Variants in CFAP251 observed in about 807,000 individuals in gnomAD.
The protein encoded by CFAP251 is cilia and flagella associated protein 251.
CFAP251 carries 93 observed loss-of-function variants against 126.7 expected under a neutral mutation model. The observed-to-expected ratio is 0.73, with a 90% CI of 0.62 to 0.87. The LOEUF (loss-of-function observed/expected upper bound fraction) is 0.87, where lower values mean the gene tolerates loss of function less well. CFAP251 is among the 40% of genes least tolerant of loss of function. CFAP251 has a pLI of 0.00. For synonymous variants in CFAP251, 503 were observed against 506.9 expected, an observed-to-expected ratio of 0.99 and a Z score of 0.10; for missense variants, 1,287 against 1,389.2, an observed-to-expected ratio of 0.93 and a Z score of 1.17.
At chr12:121,953,721 T>C (rs1881613345) in intron 9 of CFAP251, 1 of 187,270 alleles carries the variant, frequency 5.3e-6, no homozygotes, top group Non-Finnish European at 1.1e-5. Context: ...GATGGGAAAA[T>C]ACCTTATGAT....
At chr12:121,967,978 G>T in intron 16 of CFAP251, 28 bp from the exon 17 acceptor site, 1 of 1,581,298 alleles carries the variant, frequency 6.3e-7, no homozygotes, top group South Asian at 1.1e-5. Context: ...ACCTGAGTCT[G>T]AATATCCAAT....
In CFAP251 at chr12:121,989,591, G is replaced by A. The variant is rs1176066237; in HGVS notation, c.3007-10125G>A. Among the ~76,000 whole-genome samples the A allele has an allele frequency of 1.3e-5, 2 of 152,322 alleles. No homozygotes were observed. The highest frequency in any genetic ancestry group is 1.9e-4 in the East Asian group (1 of 5,186). On this transcript the variant is annotated intron_variant, in intron 19 of 21. Transcript: ENST00000288912. The surrounding 1 kb of genome is among the most constrained non-coding windows in gnomAD (Gnocchi z 4.2). Reference sequence around the variant, plus strand: ...TCCTCAGCCCACTACTCCCTGCCCCGGGTCAGCGAGGAGATGCAGGGGGTG... The same window carrying A: ...TCCTCAGCCCACTACTCCCTGCCCCAGGTCAGCGAGGAGATGCAGGGGGTG...
At chr12:121,957,788 T>G (rs1026337124) in intron 11 of CFAP251, among the ~76,000 whole-genome samples, 1 of 152,054 alleles carries the variant, frequency 6.6e-6, no homozygotes, top group Non-Finnish European at 1.5e-5. Flanking sequence ...TCCTGATCCC[T>G]GATCTCTCAC....
At chr12:121,940,921 G>A (rs78051106) in intron 5 of CFAP251, among the ~76,000 whole-genome samples, 1,658 of 152,248 alleles carry the variant, frequency 0.011, 21 homozygotes, top group African/African-American at 0.037. Flanking sequence ...TTAGGATGAT[G>A]CGATTGTTTT....
At chr12:121,939,616 C>T (rs1881032447) in intron 5 of CFAP251, among the ~76,000 whole-genome samples, 1 of 150,918 alleles carries the variant, frequency 6.6e-6, no homozygotes, top group Non-Finnish European at 1.5e-5. Flanking sequence ...AAAAATTTCA[C>T]AGTAAAGCAT....
chr12:121,977,726 C>T lies in CFAP251; in HGVS notation c.3006+2041C>T, dbSNP rs185190301. On this transcript the variant is annotated intron_variant, in intron 19 of 21. Transcript: ENST00000288912. ...ATCCCAGCACTTTGGGAGGCCAAGG[C>T]GGGCGGATCACGAGGTCAGAAGATC... is the stretch of plus-strand genomic sequence containing the variant. Among the ~76,000 whole-genome samples the T allele has an allele frequency of 8.2e-4, 123 of 150,408 alleles. 1 individual carries two copies. Among genetic ancestry groups the T allele is most frequent in the African/African-American group, 2.5e-3 (102 of 40,720 alleles).
At position 121,977,853 on chromosome 12, in the gene CFAP251, GGAGGCT is replaced by G. The variant is rs1367442630; in HGVS notation, c.3006+2173_3006+2178del. Among the ~76,000 whole-genome samples, 4 of 151,226 alleles carry G rather than the reference GGAGGCT, an allele frequency of 2.6e-5. 1 individual carries two copies. Among genetic ancestry groups the G allele is most frequent in the African/African-American group, 9.7e-5 (4 of 41,036 alleles). On this transcript the variant is annotated intron_variant, in intron 19 of 21. Transcript: ENST00000288912. ...GGGCGCCTGTAGTCCCAGCTATTCA[GGAGGCT>G]GAGGGAGGAGAATGGCGTGAACCCG...
intron 10 of CFAP251, among the ~76,000 whole-genome samples, chr12:121,955,121 C>A (rs542165015): frequency 6.6e-6 from 1 of 152,086 alleles, no homozygotes; most frequent in African/African-American, 2.4e-5. Context: ...TGGTGAAACC[C>A]TGTCTCTACT....
chr12:121,996,722 G>C (rs560529126), intron 19 of CFAP251, among the ~76,000 whole-genome samples: 1 of 152,084 alleles, frequency 6.6e-6, no homozygotes, highest in African/African-American at 2.4e-5. Flanking sequence ...TCATGGGCTT[G>C]GGCTCTGTAG....
chr12:121,931,689 C>T, intron 3 of CFAP251, 57 bp from the exon 4 acceptor site: 1 of 1,402,338 alleles, frequency 7.1e-7, no homozygotes, highest in Non-Finnish European at 9.3e-7. Flanking sequence ...TTCCTGGAGC[C>T]CCAGCTCTGG....
intron 2 of CFAP251, among the ~76,000 whole-genome samples, 166 bp downstream of exon 2, chr12:121,921,849 A>G (rs376563213): frequency 1.5e-5 from 2 of 136,002 alleles, no homozygotes; most frequent in East Asian, 2.2e-4. Flanking sequence ...GTGCAGGGGC[A>G]CAATCTCAGC....
chr12:121,999,923 C>T lies in CFAP251; in HGVS notation c.3214C>T (p.Leu1072=). ...AAAGGCCATTCGAAGAGAGGACTTC[C>T]TGAGACTGCTCGTTACTAAAGGTAA... ...GKKAIRREDF[L]RLLVTKGEHM... Residue 1072 remains leucine, a synonymous_variant, in exon 20 of 22, where the codon CTG becomes TTG. Transcript: ENST00000288912. 1 of 1,613,624 alleles carries T rather than the reference C, an allele frequency of 6.2e-7. No homozygotes were observed. Among genetic ancestry groups the T allele is most frequent in the Non-Finnish European group, 8.5e-7 (1 of 1,179,544 alleles).
At chr12:121,941,746 CTG>C (rs1169705428) in intron 5 of CFAP251, among the ~76,000 whole-genome samples, 2 of 152,156 alleles carry the variant, frequency 1.3e-5, no homozygotes, top group Non-Finnish European at 2.9e-5. Context: ...ACCATGATGA[CTG>C]TGAATTTTCA....
At chr12:121,986,012 G>T (rs1007792291) in intron 19 of CFAP251, among the ~76,000 whole-genome samples, 17 of 151,980 alleles carry the variant, frequency 1.1e-4, no homozygotes, top group African/African-American at 4.1e-4. Flanking sequence ...TTATTTTTTT[G>T]AGAGAGTCTT....
At chr12:121,992,111 GCTGA>G in intron 19 of CFAP251, 1 of 682,270 alleles carries the variant, frequency 1.5e-6, no homozygotes, top group Non-Finnish European at 1.8e-6. Context: ...CAAAGGCCAG[GCTGA>G]CTGACAACCA....
At chr12:121,992,872 AT>A (rs761678983) in intron 19 of CFAP251, among the ~76,000 whole-genome samples, 89 of 152,170 alleles carry the variant, frequency 5.8e-4, no homozygotes, top group Non-Finnish European at 1.0e-3. Flanking sequence ...ACCCAGCCAA[AT>A]TATAATTTAT....
rs969844943 is a variant in CFAP251, at chr12:121,921,382, C to T, written c.77C>T (p.Pro26Leu). Residue 26 changes from proline (P) to leucine (L), a missense_variant, in exon 2 of 22, where the codon CCT (proline) becomes CTT (leucine). Coordinates refer to ENST00000288912, the MANE Select transcript of CFAP251 (RefSeq NM_144668.6). ...ACAGAAATGAAAGAAGAGGAGGAACCTAATCCAAATTATAAAGAAGTAGAA... is the reference window on the plus strand; with the variant it reads ...ACAGAAATGAAAGAAGAGGAGGAACTTAATCCAAATTATAAAGAAGTAGAA... Reference protein sequence around the residue: ...GETEMKEEEEPNPNYKEVEDP... With the variant: ...GETEMKEEEELNPNYKEVEDP... The T allele has an allele frequency of 2.5e-6, 4 of 1,610,992 alleles. No individual in the cohort carries two copies. The African/African-American group carries it at 5.4e-5, about 22-fold the overall frequency.
At chr12:121,962,252 C>G in intron 15 of CFAP251, 90 bp downstream of exon 15, 1 of 1,215,648 alleles carries the variant, frequency 8.2e-7, no homozygotes, top group South Asian at 1.4e-5. Context: ...GACCTGCAGG[C>G]AGCTTGGCTA....
chr12:121,944,046 G>A (rs1312599467), intron 7 of CFAP251, among the ~76,000 whole-genome samples: 1 of 152,160 alleles, frequency 6.6e-6, no homozygotes, highest in Admixed American at 6.6e-5. Context: ...TGCATGAGGT[G>A]ACTTGCCAAG....
Sources: allele counts gnomAD v4.1 joint callset (sites outside exome capture counted in the v4.1 genomes callset), GRCh38; gene constraint gnomAD v4.1.1; non-coding constraint Gnocchi (gnomAD v3.1); transcripts MANE v1.5; gene names NCBI Gene and HGNC (gene_info 2026-07-23, HGNC 2026-07-21).